Variants in ROBO2 observed in about 807,000 individuals in gnomAD.
ROBO2 encodes the protein roundabout homolog 2.
ROBO2 carries 53 observed loss-of-function variants against 160.8 expected under a neutral mutation model. That is an observed-to-expected ratio of 0.33 (90% CI 0.26 to 0.41). ROBO2 has a LOEUF of 0.41. Ranked by LOEUF, ROBO2 falls within the 10% of genes least tolerant of loss-of-function variation. The probability of loss-of-function intolerance (pLI) is 1.00; values close to 1 mark genes in which losing one functional copy is unlikely to be tolerated. For synonymous variants in ROBO2, 664 were observed against 611.7 expected (o/e 1.09, Z -1.26); for missense variants, 1,577 against 1,722.4 (o/e 0.92, Z 1.49).
chr3:76,559,191 G>A (rs2083999409), intron 2 of ROBO2, among the ~76,000 whole-genome samples: 1 of 152,122 alleles, frequency 6.6e-6, no homozygotes, highest in Non-Finnish European at 1.5e-5. Flanking sequence ...TCCCTGGTGT[G>A]TGAATTTTTG....
intron 2 of ROBO2, among the ~76,000 whole-genome samples, chr3:76,158,937 G>T (rs2072516230): frequency 6.6e-6 from 1 of 152,070 alleles, no homozygotes; most frequent in African/African-American, 2.4e-5. Context: ...TAATTCTTAT[G>T]CACAGTGAAA....
At chr3:77,062,769 G>C (rs772765000) in intron 1 of ROBO2, among the ~76,000 whole-genome samples, 2 of 152,062 alleles carry the variant, frequency 1.3e-5, no homozygotes, top group Non-Finnish European at 2.9e-5. Context: ...ACAGAAGCAA[G>C]ACACACAAAA....
intron 2 of ROBO2, among the ~76,000 whole-genome samples, chr3:76,200,813 A>G (rs1478369274): frequency 1.3e-5 from 2 of 152,154 alleles, no homozygotes; most frequent in African/African-American, 4.8e-5. Context: ...CCTAGCCATG[A>G]GTGGGGCCAC....
intron 2 of ROBO2, among the ~76,000 whole-genome samples, chr3:76,054,763 A>G (rs190234745): frequency 6.6e-6 from 1 of 152,188 alleles, no homozygotes; most frequent in Non-Finnish European, 1.5e-5. Flanking sequence ...CATTTTTGGC[A>G]TATTTTACCA....
At chr3:77,593,187 A>G (rs1277133632) in intron 17 of ROBO2, among the ~76,000 whole-genome samples, 1 of 149,870 alleles carries the variant, frequency 6.7e-6, no homozygotes, top group Non-Finnish European at 1.5e-5. Context: ...CTTTTAACAG[A>G]CTAAAACAAT....
At chr3:76,744,392 T>A (rs1265375520) in intron 2 of ROBO2, among the ~76,000 whole-genome samples, 3 of 151,876 alleles carry the variant, frequency 2.0e-5, no homozygotes, top group Non-Finnish European at 2.9e-5. Flanking sequence ...TAGGGTCTCC[T>A]TATGCCACCC....
At chr3:76,525,216 A>G (rs2081886148) in intron 2 of ROBO2, among the ~76,000 whole-genome samples, 1 of 151,906 alleles carries the variant, frequency 6.6e-6, no homozygotes, top group Non-Finnish European at 1.5e-5. Flanking sequence ...GAGGAAAGAG[A>G]GTAAGTGATA....
At chr3:75,947,084 G>A (rs1948329844) in intron 2 of ROBO2, among the ~76,000 whole-genome samples, 1 of 152,092 alleles carries the variant, frequency 6.6e-6, no homozygotes, top group Non-Finnish European at 1.5e-5. Context: ...ATTATACCAA[G>A]GTATTTGGAT....
chr3:77,082,719 T>C (rs200595030), intron 1 of ROBO2, among the ~76,000 whole-genome samples: 28 of 149,474 alleles, frequency 1.9e-4, no homozygotes, highest in East Asian at 1.7e-3. Flanking sequence ...TATATATATA[T>C]ACACACACAA....
chr3:77,428,127 A>G (rs1405396670), intron 2 of ROBO2, among the ~76,000 whole-genome samples: 1 of 151,990 alleles, frequency 6.6e-6, no homozygotes, highest in African/African-American at 2.4e-5. Context: ...CAAATTTTTG[A>G]AATTTTTATG....
At chr3:77,550,966 A>G (rs1559595527) in exon 8 of ROBO2, 2 of 1,612,822 alleles carry the variant, frequency 1.2e-6, no homozygotes, top group East Asian at 2.2e-5. Flanking sequence ...ATTTTAGCAA[A>G]AGCTCAACTG....
chr3:77,153,290 G>T (rs952534092), intron 2 of ROBO2, among the ~76,000 whole-genome samples: 1 of 151,962 alleles, frequency 6.6e-6, no homozygotes, highest in Non-Finnish European at 1.5e-5. Context: ...TGTCTATTCA[G>T]ATTTTTTTAT....
chr3:77,348,427 C>A (rs1007282585), intron 2 of ROBO2, among the ~76,000 whole-genome samples: 1 of 152,110 alleles, frequency 6.6e-6, no homozygotes, highest in Non-Finnish European at 1.5e-5. Flanking sequence ...ACTCTCATCA[C>A]CATCTTGGTT....
At chr3:77,055,622 A>G (rs1350594130) in intron 1 of ROBO2, among the ~76,000 whole-genome samples, 4 of 152,206 alleles carry the variant, frequency 2.6e-5, no homozygotes, top group Non-Finnish European at 5.9e-5. Context: ...TCATTTACGC[A>G]TAATATATCC....
intron 2 of ROBO2, among the ~76,000 whole-genome samples, chr3:76,049,594 A>C (rs1022621601): frequency 1.3e-5 from 2 of 151,498 alleles, no homozygotes; most frequent in African/African-American, 4.9e-5. Context: ...AAGGACAAAA[A>C]ATATTTAAGG....
At chr3:75,966,638 A>G (rs922310442) in intron 2 of ROBO2, among the ~76,000 whole-genome samples, 6 of 151,666 alleles carry the variant, frequency 4.0e-5, no homozygotes, top group Admixed American at 1.3e-4. Flanking sequence ...AGAAACATCA[A>G]TCTCATAATG....
intron 2 of ROBO2, among the ~76,000 whole-genome samples, chr3:76,815,468 A>C (rs913523637): frequency 6.6e-6 from 1 of 152,086 alleles, no homozygotes; most frequent in Admixed American, 6.6e-5. Flanking sequence ...TGTTAACAGA[A>C]TCAACATCAA....
At chr3:75,989,307 G>A (rs990059399) in intron 2 of ROBO2, among the ~76,000 whole-genome samples, 2 of 151,914 alleles carry the variant, frequency 1.3e-5, no homozygotes, top group Non-Finnish European at 2.9e-5. Flanking sequence ...TACTAGAGAC[G>A]AAGTTTCACC....
At chr3:77,059,102 A>C (rs2149751066) in intron 1 of ROBO2, among the ~76,000 whole-genome samples, 1 of 152,272 alleles carries the variant, frequency 6.6e-6, no homozygotes, top group South Asian at 2.1e-4. Flanking sequence ...GCAGATTATA[A>C]AATCTATGAA....
Sources: gnomAD v4.1 joint callset for allele counts (sites outside exome capture counted in the v4.1 genomes callset) on GRCh38, gnomAD v4.1.1 for gene constraint, MANE v1.5 for transcripts, NCBI Gene and HGNC (gene_info 2026-07-23, HGNC 2026-07-21) for gene names.